DLGAP1: variants seen among roughly 807,000 people sequenced by gnomAD.
The protein encoded by DLGAP1 is disks large-associated protein 1.
A neutral mutation model predicts 90.8 loss-of-function variants in DLGAP1; 11 were observed. The ratio of observed to expected loss-of-function variants is 0.12; its 90% CI spans 0.08 to 0.20. DLGAP1 has a LOEUF of 0.20. Ranked by LOEUF, DLGAP1 falls within the 10% of genes least tolerant of loss-of-function variation. The probability of loss-of-function intolerance (pLI) is 1.00; values close to 1 mark genes in which losing one functional copy is unlikely to be tolerated. For missense variants in DLGAP1, 1,050 were observed against 1,333.8 expected, an observed-to-expected ratio of 0.79 and a Z score of 3.31; for synonymous variants, 558 against 540.7, an observed-to-expected ratio of 1.03 and a Z score of -0.44.
intron 1 of DLGAP1, among the ~76,000 whole-genome samples, chr18:4,227,637 T>A (rs2078219437): frequency 6.6e-6 from 1 of 151,652 alleles, no homozygotes; most frequent in African/African-American, 2.4e-5. Context: ...AATTAAAAAA[T>A]TTCTTGAAAC....
At chr18:4,377,198 C>T (rs761299183) in intron 1 of DLGAP1, among the ~76,000 whole-genome samples, 3 of 152,044 alleles carry the variant, frequency 2.0e-5, no homozygotes, top group Non-Finnish European at 2.9e-5. Context: ...GTGGATGATG[C>T]TCCCTCTAGA....
At chr18:4,305,696 A>G (rs2080234985) in intron 1 of DLGAP1, among the ~76,000 whole-genome samples, 1 of 152,232 alleles carries the variant, frequency 6.6e-6, no homozygotes, top group African/African-American at 2.4e-5. Flanking sequence ...AGTCATGCTC[A>G]GAAAGTCTAT....
rs1011322380 is a variant in DLGAP1, at chr18:4,088,981, G to A, written c.-159+62199C>T. Among the ~76,000 whole-genome samples, 11 of 152,172 alleles carry A rather than the reference G, an allele frequency of 7.2e-5. No individual in the cohort carries two copies. In the East Asian group the frequency reaches 9.6e-4, roughly 13 times the overall value. On this transcript the variant is annotated intron_variant, in intron 2 of 12. Transcript: ENST00000315677. ...AGCAGGCAAGAGAAAGCAATAAAGC[G>A]TATTTAAATAGGAAGAGAAGAAGTC...
At chr18:4,384,001 A>C (rs1166390538) in intron 1 of DLGAP1, among the ~76,000 whole-genome samples, 3 of 152,184 alleles carry the variant, frequency 2.0e-5, no homozygotes, top group Admixed American at 6.6e-5. Flanking sequence ...ACACTATGGT[A>C]ATGTCATAAA....
At chr18:3,725,537 T>TC (rs11424748) in intron 7 of DLGAP1, among the ~76,000 whole-genome samples, 7,185 of 152,264 alleles carry the variant, frequency 0.047, 563 homozygotes, top group African/African-American at 0.16. Flanking sequence ...ATGTTTGCAT[T>TC]CTACTTTCCT....
chr18:4,157,332 T>C (rs1346133419), intron 1 of DLGAP1, among the ~76,000 whole-genome samples: 1 of 152,218 alleles, frequency 6.6e-6, no homozygotes, highest in Non-Finnish European at 1.5e-5. Context: ...AAACTATCTA[T>C]GTGCTTCACT....
chr18:4,431,363 T>C (rs1465970658), intron 1 of DLGAP1, among the ~76,000 whole-genome samples: 1 of 152,240 alleles, frequency 6.6e-6, no homozygotes, highest in African/African-American at 2.4e-5. Flanking sequence ...TGTTGGTGTT[T>C]GTTGGAAGTT....
intron 1 of DLGAP1, among the ~76,000 whole-genome samples, chr18:4,401,787 A>C (rs2082560422): frequency 6.6e-6 from 1 of 152,060 alleles, no homozygotes; most frequent in African/African-American, 2.4e-5. Flanking sequence ...ATGTTTGAAA[A>C]GAAAAGCCAT....
intron 2 of DLGAP1, among the ~76,000 whole-genome samples, chr18:4,109,058 C>A (rs1473892782): frequency 6.6e-6 from 1 of 152,090 alleles, no homozygotes; most frequent in Admixed American, 6.5e-5. Context: ...AAACAGTGAG[C>A]TCCTATTTGA....
At chr18:3,915,794 A>AT (rs917455295) in intron 3 of DLGAP1, among the ~76,000 whole-genome samples, 17 of 150,374 alleles carry the variant, frequency 1.1e-4, no homozygotes, top group South Asian at 4.2e-4. Flanking sequence ...AACCTTATTT[A>AT]TTTTTTTTTT....
At chr18:4,080,044 G>C (rs1362870538) in intron 2 of DLGAP1, among the ~76,000 whole-genome samples, 2 of 152,098 alleles carry the variant, frequency 1.3e-5, no homozygotes, top group Non-Finnish European at 2.9e-5. Flanking sequence ...TGAAATTTCT[G>C]GGTTTCATCC....
At position 3,954,778 on chromosome 18, in the gene DLGAP1, C is replaced by T. The variant is rs983517504; in HGVS notation, c.-73+50338G>A. On this transcript the variant is annotated intron_variant, in intron 3 of 12. Coordinates refer to ENST00000315677, the MANE Select transcript of DLGAP1 (RefSeq NM_004746.4). ...ACCTCACGCCTGAAACAACCAAAAACACCAGACAAAACATATGATATAACT... is the reference window on the plus strand; with the variant it reads ...ACCTCACGCCTGAAACAACCAAAAATACCAGACAAAACATATGATATAACT... Among the ~76,000 whole-genome samples, 3 of 152,208 alleles carry T rather than the reference C, an allele frequency of 2.0e-5. No individual in the cohort carries two copies. In the East Asian group the frequency reaches 5.8e-4, roughly 29 times the overall value.
chr18:4,232,249 C>A (rs893373819), intron 1 of DLGAP1, among the ~76,000 whole-genome samples: 1 of 152,092 alleles, frequency 6.6e-6, no homozygotes, highest in Non-Finnish European at 1.5e-5. Flanking sequence ...ATTATGTGAT[C>A]TCTTATTCTA....
intron 5 of DLGAP1, among the ~76,000 whole-genome samples, chr18:3,749,289 C>T (rs1289620742): frequency 6.6e-6 from 1 of 151,736 alleles, no homozygotes; most frequent in East Asian, 1.9e-4. Context: ...GCTGGGATTA[C>T]AGGCGGATGC....
At chr18:4,392,869 C>CT in intron 1 of DLGAP1, among the ~76,000 whole-genome samples, 1 of 152,250 alleles carries the variant, frequency 6.6e-6, no homozygotes, top group East Asian at 1.9e-4. Context: ...TAGCCTTCTC[C>CT]TTTTTAGGAT....
At chr18:3,518,767 T>C (rs1434656287) in intron 10 of DLGAP1, among the ~76,000 whole-genome samples, 1 of 152,200 alleles carries the variant, frequency 6.6e-6, no homozygotes, top group Non-Finnish European at 1.5e-5. Context: ...GAGAATGCAG[T>C]AGGAATTCTA....
rs546529858 is a variant in DLGAP1, at chr18:4,168,834, T to G, written c.-266-17547A>C. On this transcript the variant is annotated intron_variant, in intron 1 of 12. Coordinates refer to ENST00000315677, the MANE Select transcript of DLGAP1 (RefSeq NM_004746.4). Reference sequence around the variant, plus strand: ...TCTGGGCTCCAGTGATCCTACCACCTCAGCCTTCCAAGTAGCTGGAACTAC... The same window carrying G: ...TCTGGGCTCCAGTGATCCTACCACCGCAGCCTTCCAAGTAGCTGGAACTAC... 3.9e-5 allele frequency among the ~76,000 whole-genome samples: 6 copies of G among 152,334 alleles called. No individual in the cohort carries two copies. The South Asian group carries it at 1.2e-3, about 32-fold the overall frequency.
At chr18:4,430,256 A>G (rs2083255679) in intron 1 of DLGAP1, among the ~76,000 whole-genome samples, 1 of 152,154 alleles carries the variant, frequency 6.6e-6, no homozygotes, top group African/African-American at 2.4e-5. Context: ...AGTTTAATAT[A>G]TTTTTTAAAC....
intron 1 of DLGAP1, among the ~76,000 whole-genome samples, chr18:4,313,109 T>C (rs1052649219): frequency 6.6e-6 from 1 of 152,228 alleles, no homozygotes; most frequent in African/African-American, 2.4e-5. Context: ...TTCCAACAAA[T>C]GTTTACTGCT....
Sources: allele counts gnomAD v4.1 joint callset (sites outside exome capture counted in the v4.1 genomes callset), GRCh38; gene constraint gnomAD v4.1.1; transcripts MANE v1.5; gene names NCBI Gene and HGNC (gene_info 2026-07-23, HGNC 2026-07-21).